Variants in GNB1L observed in about 807,000 individuals in gnomAD.
GNB1L encodes the protein G protein subunit beta 1 like, also known as guanine nucleotide-binding protein subunit beta-like protein 1.
A neutral mutation model predicts 29.1 loss-of-function variants in GNB1L; 20 were observed. The observed-to-expected ratio is 0.69, with a 90% CI of 0.48 to 1.00. GNB1L has a LOEUF of 1.00. GNB1L is among the 50% of genes least tolerant of loss of function. The probability of loss-of-function intolerance (pLI) is 0.00; values close to 1 mark genes in which losing one functional copy is unlikely to be tolerated. For missense variants in GNB1L, 421 were observed against 464.9 expected (o/e 0.91, Z 0.87); for synonymous variants, 193 against 206.5 (o/e 0.93, Z 0.56).
At position 19,854,523 on chromosome 22, in the gene GNB1L, G is replaced by C. The variant is rs1938189868; in HGVS notation, c.-101C>G. 1 of 152,694 alleles carries C rather than the reference G, an allele frequency of 6.5e-6. No homozygotes were observed. Among genetic ancestry groups the C allele is most frequent in the East Asian group, 1.9e-4 (1 of 5,196 alleles). The allele number at this position is 152,694 out of a possible 1,614,324, so 9.5% of individuals were successfully genotyped here. A position where few individuals can be genotyped will look rare whatever the true frequency, so the allele number is the denominator to read the frequency against. ...GTGGGACGGGCCTCCCTCTGAGGGCGAGAGTCCAGGCGCCACCTAGAAAGT... is the reference window on the plus strand; with the variant it reads ...GTGGGACGGGCCTCCCTCTGAGGGCCAGAGTCCAGGCGCCACCTAGAAAGT... On this transcript the variant is annotated 5_prime_UTR_variant, in exon 2 of 8. Coordinates refer to ENST00000329517, the MANE Select transcript of GNB1L (RefSeq NM_053004.3).
At position 19,799,754 on chromosome 22, in the gene GNB1L, G is replaced by A. The variant is rs1479382186; in HGVS notation, c.732+2247C>T. Among the ~76,000 whole-genome samples the A allele has an allele frequency of 3.3e-5, 5 of 152,160 alleles. No homozygotes were observed. The South Asian group carries it at 8.3e-4, about 25-fold the overall frequency. On this transcript the variant is annotated intron_variant, in intron 7 of 7. Transcript: ENST00000329517. ...ACACCTGTGGGTGCTGAGGACCTTCGGTCACCTTGCTTGCTCCCGGGTGGC... is the reference window on the plus strand; with the variant it reads ...ACACCTGTGGGTGCTGAGGACCTTCAGTCACCTTGCTTGCTCCCGGGTGGC...
chr22:19,841,732 AT>A (rs552206605), intron 2 of GNB1L, among the ~76,000 whole-genome samples: 96 of 152,328 alleles, frequency 6.3e-4, no homozygotes, highest in Non-Finnish European at 1.2e-3. Context: ...ATATAAATTC[AT>A]CAACAGTGCC....
chr22:19,792,549 GC>G lies in GNB1L; in HGVS notation c.733-3590del. On this transcript the variant is annotated intron_variant, in intron 7 of 7. Coordinates refer to ENST00000329517, the MANE Select transcript of GNB1L (RefSeq NM_053004.3). ...TCCTGCAATTAACCAGTTCACCTAG[GC>G]CCTGGACTGCCAAACAGCTACTCAG... is the stretch of plus-strand genomic sequence containing the variant. 3 of 1,556,602 alleles carry G rather than the reference GC, an allele frequency of 1.9e-6. No individual in the cohort carries two copies. In the South Asian group the frequency reaches 3.3e-5, roughly 17 times the overall value.
At chr22:19,823,082 C>T (rs1027229976) in intron 2 of GNB1L, among the ~76,000 whole-genome samples, 25 of 152,242 alleles carry the variant, frequency 1.6e-4, no homozygotes, top group African/African-American at 5.5e-4. Context: ...CCCTGCCTGG[C>T]GAGAGACCTC....
chr22:19,801,322 C>A (rs755235415), intron 7 of GNB1L, among the ~76,000 whole-genome samples: 1 of 152,196 alleles, frequency 6.6e-6, no homozygotes, highest in Admixed American at 6.5e-5. Flanking sequence ...GTCTCTGCAG[C>A]CCCTGAGACT....
chr22:19,783,815 C>T lies in GNB1L; in HGVS notation c.*4894G>A, dbSNP rs1601312090. ...TGGCCTCCCCTCTGTCCCTCCTGCC[C>T]AGCTCCTAATGGGCCTCCCATAAAA... On this transcript the variant is annotated 3_prime_UTR_variant, in exon 8 of 8. Coordinates refer to ENST00000329517, the MANE Select transcript of GNB1L (RefSeq NM_053004.3). The T allele has an allele frequency of 6.6e-6, 1 of 152,584 alleles. No homozygotes were observed. The highest frequency in any genetic ancestry group is 6.5e-5 in the Admixed American group (1 of 15,298). 9.5% of individuals were successfully genotyped at this position (152,584 alleles called of 1,614,324 possible). A position where few individuals can be genotyped will look rare whatever the true frequency, so the allele number is the denominator to read the frequency against.
intron 2 of GNB1L, among the ~76,000 whole-genome samples, chr22:19,836,036 C>T (rs1043368413): frequency 2.0e-5 from 3 of 151,886 alleles, no homozygotes; most frequent in Admixed American, 6.6e-5. Flanking sequence ...CCAAAACAAG[C>T]ACAAGGAAGG....
intron 2 of GNB1L, chr22:19,850,507 G>A (rs1938069105): frequency 1.7e-5 from 18 of 1,052,502 alleles, no homozygotes; most frequent in Non-Finnish European, 2.1e-5. Flanking sequence ...GCCTGCAGCT[G>A]AGCCTGGCAA....
chr22:19,805,581 G>C (rs1005344643), intron 6 of GNB1L, among the ~76,000 whole-genome samples: 2 of 152,264 alleles, frequency 1.3e-5, no homozygotes, highest in African/African-American at 4.8e-5. Context: ...AGGAGATGGA[G>C]ACCATCCTGG....
At chr22:19,852,440 G>A (rs1938130785) in intron 2 of GNB1L, 2 of 635,026 alleles carry the variant, frequency 3.1e-6, no homozygotes, top group African/African-American at 1.8e-5. Context: ...CAGGAGAGCT[G>A]AGAAGAGCTG....
chr22:19,799,775 G>A (rs1033510599), intron 7 of GNB1L, among the ~76,000 whole-genome samples: 2 of 152,222 alleles, frequency 1.3e-5, no homozygotes, highest in Admixed American at 1.3e-4. Flanking sequence ...TTGCTCCCGG[G>A]TGGCAAGAAC....
intron 7 of GNB1L, among the ~76,000 whole-genome samples, chr22:19,790,392 G>A (rs1480076246): frequency 6.6e-6 from 1 of 152,116 alleles, no homozygotes; most frequent in East Asian, 1.9e-4. Context: ...TCATCCCCGA[G>A]AGATTATCTG....
At chr22:19,831,463 G>A (rs1476854842) in intron 2 of GNB1L, among the ~76,000 whole-genome samples, 4 of 151,644 alleles carry the variant, frequency 2.6e-5, no homozygotes, top group African/African-American at 4.8e-5. Context: ...AGGCTGAGGC[G>A]GGAGGATCAC....
chr22:19,790,979 C>T (rs1417207067), intron 7 of GNB1L, among the ~76,000 whole-genome samples: 1 of 152,010 alleles, frequency 6.6e-6, no homozygotes, highest in Non-Finnish European at 1.5e-5. Context: ...CCATATAATC[C>T]CAGCACTTTG....
At chr22:19,807,950 T>C (rs1460157514) in intron 5 of GNB1L, among the ~76,000 whole-genome samples, 1 of 152,162 alleles carries the variant, frequency 6.6e-6, no homozygotes, top group Non-Finnish European at 1.5e-5. Flanking sequence ...CACAGCCCGG[T>C]CCTTCCAGCT....
At chr22:19,823,761 G>T (rs1434154072) in intron 2 of GNB1L, among the ~76,000 whole-genome samples, 4 of 151,952 alleles carry the variant, frequency 2.6e-5, no homozygotes, top group Non-Finnish European at 5.9e-5. Flanking sequence ...CCCACACATA[G>T]GACACATGCC....
At chr22:19,838,140 G>A (rs1274364774) in intron 2 of GNB1L, among the ~76,000 whole-genome samples, 1 of 152,214 alleles carries the variant, frequency 6.6e-6, no homozygotes, top group Non-Finnish European at 1.5e-5. Context: ...ATCTATTTTT[G>A]TGCTCATTAA....
chr22:19,790,175 G>A (rs1555899265), intron 7 of GNB1L, among the ~76,000 whole-genome samples: 1 of 152,212 alleles, frequency 6.6e-6, no homozygotes, highest in Non-Finnish European at 1.5e-5. Context: ...AGAGATAACT[G>A]GAGAACTGCA....
intron 2 of GNB1L, among the ~76,000 whole-genome samples, chr22:19,843,566 T>A (rs1054861896): frequency 6.6e-6 from 1 of 152,000 alleles, no homozygotes; most frequent in African/African-American, 2.4e-5. Flanking sequence ...CCCCAAGAAC[T>A]CCTTCCCTTG....
Sources: gnomAD v4.1 joint callset for allele counts (sites outside exome capture counted in the v4.1 genomes callset) on GRCh38, gnomAD v4.1.1 for gene constraint, MANE v1.5 for transcripts, NCBI Gene and HGNC (gene_info 2026-07-23, HGNC 2026-07-21) for gene names.